Variants in SETX observed in about 807,000 individuals in gnomAD.
SETX encodes the protein helicase senataxin.
In SETX, 90 loss-of-function variants were observed where a neutral mutation model predicts 227.2. That is an observed-to-expected ratio of 0.40 (90% CI 0.33 to 0.47). The LOEUF (loss-of-function observed/expected upper bound fraction) is 0.47. Ranked by LOEUF, SETX falls within the 20% of genes least tolerant of loss-of-function variation. The pLI is 0.91. For missense variants in SETX, 3,052 were observed against 3,181.5 expected, an observed-to-expected ratio of 0.96 and a Z score of 0.98; for synonymous variants, 1,210 against 1,113.2, an observed-to-expected ratio of 1.09 and a Z score of -1.73.
Position 132,302,476 on chromosome 9 carries a change from A to G in SETX, c.5375-1673T>C, listed in dbSNP as rs190618972. ...GGCGTTTGAGACCAGCCTGGCCAAC[A>G]TGGTGAAACCCCATCTCTACTAAAA... On this transcript the variant is annotated intron_variant, in intron 11 of 25. Transcript: ENST00000224140. Among the ~76,000 whole-genome samples the G allele has an allele frequency of 1.0e-3, 158 of 151,654 alleles. 2 individuals are homozygous for G. The East Asian group carries it at 0.027, about 26-fold the overall frequency.
At chr9:132,298,678 T>C (rs892546175) in intron 12 of SETX, among the ~76,000 whole-genome samples, 5 of 151,992 alleles carry the variant, frequency 3.3e-5, no homozygotes, top group Non-Finnish European at 7.4e-5. Context: ...CAGCAGAGGG[T>C]AAATAGTACT....
At chr9:132,325,248 C>T (rs1212779666) in intron 10 of SETX, among the ~76,000 whole-genome samples, 2 of 151,964 alleles carry the variant, frequency 1.3e-5, no homozygotes, top group East Asian at 1.9e-4. Flanking sequence ...CTCAGCTACT[C>T]GGGAGGCTGA....
chr9:132,297,223 G>A (rs1463761371), intron 13 of SETX, among the ~76,000 whole-genome samples, 169 bp from the exon 14 acceptor site: 3 of 152,164 alleles, frequency 2.0e-5, no homozygotes, highest in Admixed American at 1.3e-4. Flanking sequence ...TAAAAAGCAC[G>A]TTCACTACTG....
chr9:132,286,522 AAAACT>A lies in SETX; in HGVS notation c.6325-33_6325-29del, dbSNP rs142673740. On this transcript the variant is annotated intron_variant, in intron 17 of 25. Coordinates refer to ENST00000224140, the MANE Select transcript of SETX (RefSeq NM_015046.7). ...GGAAAAAAATTCAAATGTCACAATT[AAAACT>A]AAACTAAGCATTTTTAAATGCCTTC... is the stretch of plus-strand genomic sequence containing the variant. The A allele has an allele frequency of 2.6e-4, 393 of 1,520,234 alleles. No individual in the cohort carries two copies. The East Asian group carries it at 6.2e-3, about 24-fold the overall frequency. The allele number at this position is 1,520,234 out of a possible 1,614,324, so 94.2% of individuals were successfully genotyped here. A position where few individuals can be genotyped will look rare whatever the true frequency, so the allele number is the denominator to read the frequency against.
upstream of SETX, among the ~76,000 whole-genome samples, chr9:132,355,294 T>C (rs1848856078): frequency 6.6e-6 from 1 of 152,204 alleles, no homozygotes; most frequent in Non-Finnish European, 1.5e-5. Flanking sequence ...GGATGAGCTC[T>C]GCTGCGGGTG....
In SETX at chr9:132,298,174, A is replaced by G. The variant is rs1217873321; in HGVS notation, c.5687T>C (p.Leu1896Ser). 6.2e-6 allele frequency: 10 copies of G among 1,614,050 alleles called. No homozygotes were observed. The highest frequency in any genetic ancestry group is 6.8e-6 in the Non-Finnish European group (8 of 1,180,010). ...TCTAGCCAGTTGGTTCCGACTACCC[A>G]ACAGAGACATGGCTTTCAACTTCCT... ...TQRKLKAMSLLGSRNQLARAV... is the reference protein window; with the variant it reads ...TQRKLKAMSLSGSRNQLARAV... Residue 1896 changes from leucine (L) to serine (S), a missense_variant, in exon 13 of 26, where the codon TTG (leucine) becomes TCG (serine). This residue lies in a region of SETX where 239 missense variants were observed against 272.1 expected (regional missense o/e 0.88). Transcript: ENST00000224140.
chr9:132,335,566 T>C (rs564083622), intron 6 of SETX, among the ~76,000 whole-genome samples: 4 of 151,982 alleles, frequency 2.6e-5, no homozygotes, highest in Non-Finnish European at 5.9e-5. Context: ...CAGCTTCAAA[T>C]TCCTGGGCTT....
rs745844516 is a variant in SETX, at chr9:132,327,091, G to T, written c.4507C>A (p.Pro1503Thr). 2.5e-6 allele frequency: 4 copies of T among 1,614,068 alleles called. No individual in the cohort carries two copies. Among genetic ancestry groups the T allele is most frequent in the Non-Finnish European group, 3.4e-6 (4 of 1,180,008 alleles). ...TGTGAACATAAATCCATATCTTCAG[G>T]ATCATTTTGGGTTAAAAATAAGTTA... ...EDNLFLTQND[P>T]EDMDLCSQME... The change falls in exon 10 of 26, where the codon CCT becomes ACT. Residue 1503 changes from proline (P) to threonine (T), a missense_variant. Pro to Thr is a conservative substitution (Grantham distance 38). Transcript: ENST00000224140.
chr9:132,289,027 T>G (rs1390758647), intron 15 of SETX, among the ~76,000 whole-genome samples: 1 of 152,206 alleles, frequency 6.6e-6, no homozygotes, highest in Admixed American at 6.5e-5. Context: ...AGTTCTCTCA[T>G]GTTGGGGAAA....
intron 11 of SETX, among the ~76,000 whole-genome samples, chr9:132,305,074 G>C (rs1410558820): frequency 6.6e-6 from 1 of 151,954 alleles, no homozygotes; most frequent in Non-Finnish European, 1.5e-5. Context: ...TTTGGGCCAG[G>C]CGCAGTGGCT....
chr9:132,322,789 G>A (rs1289255516), intron 10 of SETX, among the ~76,000 whole-genome samples: 1 of 151,920 alleles, frequency 6.6e-6, no homozygotes, highest in Non-Finnish European at 1.5e-5. Flanking sequence ...AAAACCAACT[G>A]GGGAAACACG....
intron 2 of SETX, among the ~76,000 whole-genome samples, chr9:132,351,643 GTT>G (rs763092039): frequency 1.3e-5 from 2 of 152,196 alleles, no homozygotes; most frequent in Non-Finnish European, 2.9e-5. Flanking sequence ...TGTGTGTGTG[GTT>G]TTGTCTTCAA....
intron 5 of SETX, among the ~76,000 whole-genome samples, chr9:132,338,927 A>T (rs1025193614): frequency 3.3e-5 from 5 of 151,998 alleles, no homozygotes; most frequent in African/African-American, 9.7e-5. Flanking sequence ...CAAGCTAATT[A>T]AAAAAAAAAT....
In SETX at chr9:132,264,811, C is replaced by G. The variant is rs372782145; in HGVS notation, c.7462G>C (p.Gly2488Arg). The G allele has an allele frequency of 1.2e-6, 2 of 1,614,004 alleles. No individual in the cohort carries two copies. Among genetic ancestry groups the G allele is most frequent in the African/African-American group, 2.7e-5 (2 of 74,888 alleles). ...TIAPEGSRPQ[G>R]GLPSSKLDSG... Reference sequence around the variant, plus strand: ...TCTAGCTTGCTGCTGGGCAAACCACCCTGGGGTCTGGACCCCTCTGGGGCT... The same window carrying G: ...TCTAGCTTGCTGCTGGGCAAACCACGCTGGGGTCTGGACCCCTCTGGGGCT... The change falls in exon 26 of 26, where the codon GGT (glycine) becomes CGT (arginine). Residue 2488 changes from glycine to arginine, a missense_variant. By Grantham distance (125) the Gly-to-Arg change is moderately radical. Coordinates refer to ENST00000224140, the MANE Select transcript of SETX (RefSeq NM_015046.7).
At chr9:132,355,367 A>G (rs963347589), upstream of SETX, among the ~76,000 whole-genome samples, 17 of 152,136 alleles carry the variant, frequency 1.1e-4, no homozygotes, top group African/African-American at 2.4e-5. Context: ...TCCACGCCTC[A>G]GGTGTCTCAG....
At chr9:132,352,754 A>AT (rs1411829326) in intron 2 of SETX, among the ~76,000 whole-genome samples, 2 of 152,248 alleles carry the variant, frequency 1.3e-5, no homozygotes, top group Non-Finnish European at 2.9e-5. Flanking sequence ...CTCTACTCAC[A>AT]TATCTGACAG....
chr9:132,287,225 C>CT (rs1490659041), intron 17 of SETX, among the ~76,000 whole-genome samples: 2 of 152,182 alleles, frequency 1.3e-5, no homozygotes, highest in African/African-American at 4.8e-5. Flanking sequence ...GGACTCATGC[C>CT]TGTAATCCTG....
chr9:132,307,974 G>T (rs979305515), intron 11 of SETX, among the ~76,000 whole-genome samples: 3 of 152,138 alleles, frequency 2.0e-5, no homozygotes, highest in Non-Finnish European at 4.4e-5. Context: ...ACCGCACCCG[G>T]ACTACTAGTG....
chr9:132,324,302 G>C (rs138779381), intron 10 of SETX, among the ~76,000 whole-genome samples: 1 of 152,178 alleles, frequency 6.6e-6, no homozygotes, highest in Non-Finnish European at 1.5e-5. Flanking sequence ...TAAAATTTGA[G>C]GTACGAATTG....
Sources: gnomAD v4.1 joint callset for allele counts (sites outside exome capture counted in the v4.1 genomes callset) on GRCh38, gnomAD v4.1.1 for gene constraint, gnomAD v4.1.1 regional missense constraint, MANE v1.5 for transcripts, NCBI Gene and HGNC (gene_info 2026-07-23, HGNC 2026-07-21) for gene names.